Variants in INSL6 observed in about 807,000 individuals in gnomAD.
INSL6 encodes the protein insulin-like peptide INSL6.
In INSL6, 16 loss-of-function variants were observed where a neutral mutation model predicts 9.4. The ratio of observed to expected loss-of-function variants is 1.70; its 90% confidence interval spans 1.15 to 2.59. INSL6 has a LOEUF of 2.59. Ranked by LOEUF, INSL6 falls within the 30% of genes most tolerant of loss-of-function variation. The probability of loss-of-function intolerance (pLI) is 0.00; values close to 1 mark genes in which losing one functional copy is unlikely to be tolerated. For synonymous variants in INSL6, 154 were observed against 96.9 expected (o/e 1.59, Z -3.46); for missense variants, 391 against 257.3 (o/e 1.52, Z -3.56).
chr9:5,128,958 G>C lies in INSL6; in HGVS notation c.*11-4447C>G, dbSNP rs1824177504. 2.0e-5 allele frequency among the ~76,000 whole-genome samples: 3 copies of C among 151,844 alleles called. No homozygotes were observed. The South Asian group carries it at 6.2e-4, about 31-fold the overall frequency. On this transcript the variant is annotated intron_variant, in intron 3 of 3. Transcript: ENST00000649639. ...TAAGTTATACAATCTTTATATAAAT[G>C]ACTTTTTCCATGGGTACTTGTTTGG...
the INSL6 span, among the ~76,000 whole-genome samples, chr9:5,115,715 G>C: frequency 2.6e-5 from 4 of 152,298 alleles, no homozygotes; most frequent in Admixed American, 2.0e-4. Flanking sequence ...TATACACCAT[G>C]GAATACTATG....
chr9:5,051,310 G>A, the INSL6 span, among the ~76,000 whole-genome samples: 1 of 152,046 alleles, frequency 6.6e-6, no homozygotes, highest in Non-Finnish European at 1.5e-5. Context: ...AAGTTCAGAG[G>A]AACAGAAGAA....
chr9:5,076,750 G>T, the INSL6 span, among the ~76,000 whole-genome samples: 3 of 151,582 alleles, frequency 2.0e-5, no homozygotes, highest in African/African-American at 7.3e-5. Context: ...CACTAGTAAT[G>T]CAGATTAAAT....
At chr9:5,007,818 C>A in the INSL6 span, among the ~76,000 whole-genome samples, 1 of 151,934 alleles carries the variant, frequency 6.6e-6, no homozygotes, top group Non-Finnish European at 1.5e-5. Flanking sequence ...ATCTCTGCCT[C>A]CCAGGTTCAA....
At chr9:5,098,235 G>A in the INSL6 span, 1 of 152,070 alleles carries the variant, frequency 6.6e-6, no homozygotes, top group Non-Finnish European at 1.5e-5. Flanking sequence ...CCAGAAACTG[G>A]TTTCAAGCCA....
the INSL6 span, chr9:5,054,680 A>G: frequency 6.2e-7 from 1 of 1,613,432 alleles, no homozygotes; most frequent in East Asian, 2.2e-5. The surrounding 1 kb of genome is among the most constrained non-coding windows in gnomAD (Gnocchi z 4.9). Flanking sequence ...GCCAATGCAA[A>G]GCCACTGCCA....
intron 1 of INSL6, 68 bp from the exon 2 acceptor site, chr9:5,164,333 G>T (rs988496374): frequency 1.0e-6 from 1 of 980,984 alleles, no homozygotes; most frequent in Non-Finnish European, 1.6e-6. Context: ...TTTAATATTG[G>T]AACAGTAAAA....
At chr9:5,037,664 A>C in the INSL6 span, among the ~76,000 whole-genome samples, 1 of 152,192 alleles carries the variant, frequency 6.6e-6, no homozygotes, top group Non-Finnish European at 1.5e-5. Context: ...CAATGAGAAC[A>C]CATGGACACA....
At chr9:5,084,567 C>G in the INSL6 span, among the ~76,000 whole-genome samples, 1 of 151,918 alleles carries the variant, frequency 6.6e-6, no homozygotes, top group African/African-American at 2.4e-5. Flanking sequence ...TATTTTCATA[C>G]TGTTGTAAAA....
chr9:5,064,970 T>C, the INSL6 span: 1 of 1,610,290 alleles, frequency 6.2e-7, no homozygotes, highest in Non-Finnish European at 8.5e-7. Context: ...TGCACATCAT[T>C]ACCTCTGTAA....
the INSL6 span, among the ~76,000 whole-genome samples, chr9:5,033,117 G>A: frequency 2.6e-5 from 4 of 152,168 alleles, no homozygotes; most frequent in Admixed American, 6.5e-5. Context: ...CTCAGTAGCC[G>A]ATTCAATCAA....
At chr9:5,062,304 T>A in the INSL6 span, among the ~76,000 whole-genome samples, 1 of 151,950 alleles carries the variant, frequency 6.6e-6, no homozygotes, top group Admixed American at 6.6e-5. Context: ...CCTTGTATTC[T>A]GAGGGACAAC....
intron 1 of INSL6, among the ~76,000 whole-genome samples, chr9:5,169,968 A>C (rs929153027): frequency 2.0e-5 from 3 of 152,206 alleles, no homozygotes; most frequent in Non-Finnish European, 4.4e-5. Flanking sequence ...TGAGACAGAA[A>C]ATTAACAAAG....
chr9:5,050,362 C>T, the INSL6 span, among the ~76,000 whole-genome samples: 1 of 152,118 alleles, frequency 6.6e-6, no homozygotes, highest in African/African-American at 2.4e-5. Context: ...GTGGTGTGAT[C>T]ATAGCTGAAG....
At chr9:5,184,303 C>G (rs771841308) in intron 1 of INSL6, among the ~76,000 whole-genome samples, 2 of 152,202 alleles carry the variant, frequency 1.3e-5, no homozygotes, top group African/African-American at 2.4e-5. Flanking sequence ...ATCAAATCAA[C>G]TGAATTACTG....
intron 2 of INSL6, among the ~76,000 whole-genome samples, chr9:5,148,024 T>C (rs1029391148): frequency 1.5e-4 from 23 of 152,208 alleles, no homozygotes; most frequent in African/African-American, 5.5e-4. Flanking sequence ...GATTCTGAAT[T>C]CCATATCTGC....
chr9:5,118,620 T>A, the INSL6 span, among the ~76,000 whole-genome samples: 8 of 152,218 alleles, frequency 5.3e-5, no homozygotes, highest in Non-Finnish European at 1.0e-4. Context: ...TGGGACAAGA[T>A]TAAGCATAAA....
chr9:5,132,091 C>T (rs1315758845), intron 3 of INSL6: 2 of 152,064 alleles, frequency 1.3e-5, no homozygotes, highest in Non-Finnish European at 2.9e-5. Flanking sequence ...AAACTTGAAA[C>T]TGAGTTTTAC....
At chr9:5,126,407 T>A (rs140219534) in intron 3 of INSL6, 1 of 1,610,894 alleles carries the variant, frequency 6.2e-7, no homozygotes, top group Non-Finnish European at 8.5e-7. Context: ...TTTTGAAGAA[T>A]AATGGAAGAT....
Sources: allele counts gnomAD v4.1 joint callset (sites outside exome capture counted in the v4.1 genomes callset), GRCh38; gene constraint gnomAD v4.1.1; non-coding constraint Gnocchi (gnomAD v3.1); transcripts MANE v1.5; gene names NCBI Gene and HGNC (gene_info 2026-07-23, HGNC 2026-07-21).